CLK4: variants seen among roughly 807,000 people sequenced by gnomAD.
CLK4 encodes the protein dual specificity protein kinase CLK4.
A neutral mutation model predicts 64.4 loss-of-function variants in CLK4; 37 were observed. The ratio of observed to expected loss-of-function variants is 0.57; its 90% CI spans 0.44 to 0.76. The LOEUF (loss-of-function observed/expected upper bound fraction) is 0.76, where lower values mean the gene tolerates loss of function less well. Ranked by LOEUF, CLK4 falls within the 30% of genes least tolerant of loss-of-function variation. The probability of loss-of-function intolerance (pLI) is 0.00; values close to 1 mark genes in which losing one functional copy is unlikely to be tolerated. For synonymous variants in CLK4, 175 were observed against 191.6 expected, an observed-to-expected ratio of 0.91 and a Z score of 0.72; for missense variants, 457 against 605.1, an observed-to-expected ratio of 0.76 and a Z score of 2.57.
intron 5 of CLK4, among the ~76,000 whole-genome samples, chr5:178,616,495 T>A (rs1375540296): frequency 6.6e-6 from 1 of 152,108 alleles, no homozygotes; most frequent in Non-Finnish European, 1.5e-5. Flanking sequence ...TGGCTACCAT[T>A]TAAAATATAT....
At chr5:178,607,123 T>TA (rs35713579) in intron 10 of CLK4, among the ~76,000 whole-genome samples, 1,932 of 139,450 alleles carry the variant, frequency 0.014, 22 homozygotes, top group South Asian at 0.039. Flanking sequence ...AAAGAGACAT[T>TA]AAAAAAAAAA....
chr5:178,604,033 G>T, intron 11 of CLK4, 99 bp from the exon 12 acceptor site: 1 of 828,390 alleles, frequency 1.2e-6, no homozygotes, highest in Non-Finnish European at 1.9e-6. Flanking sequence ...CTCTCTCTAA[G>T]TGTATAGACT....
At position 178,603,782 on chromosome 5, in the gene CLK4, A is replaced by T. The variant is rs761629845; in HGVS notation, c.1306-25T>A. 40 of 1,572,198 alleles carry T rather than the reference A, an allele frequency of 2.5e-5. No individual in the cohort carries two copies. The Middle Eastern group carries it at 6.9e-4, about 27-fold the overall frequency. On this transcript the variant is annotated intron_variant, in intron 12 of 12. Transcript: ENST00000316308. ...CCTGGGGGAGAAATGTTTTTGTTTT[A>T]AAAAAAATTATTAATAGTGCAAACA... is the stretch of plus-strand genomic sequence containing the variant.
At chr5:178,620,090 G>T in intron 2 of CLK4, 1 of 309,486 alleles carries the variant, frequency 3.2e-6, no homozygotes, top group Non-Finnish European at 6.7e-6. Context: ...TACCCAATAG[G>T]GCTAGCATCA....
At position 178,616,907 on chromosome 5, in the gene CLK4, C is replaced by T; in HGVS notation, c.517G>A (p.Val173Ile). The T allele has an allele frequency of 6.2e-7, 1 of 1,614,004 alleles. No homozygotes were observed. Among genetic ancestry groups the T allele is most frequent in the Non-Finnish European group, 8.5e-7 (1 of 1,179,838 alleles). Reference sequence around the variant, plus strand: ...ATGCCATGATCAATGCACTCTACAACTTTGCCAAAGGCTCCTTCACCCAAA... The same window carrying T: ...ATGCCATGATCAATGCACTCTACAATTTTGCCAAAGGCTCCTTCACCCAAA... ...DTLGEGAFGK[V>I]VECIDHGMDG... Residue 173 changes from valine to isoleucine, a missense_variant, in exon 5 of 13, where the codon GTT becomes ATT. Transcript: ENST00000316308.
intron 1 of CLK4, among the ~76,000 whole-genome samples, chr5:178,624,704 C>T (rs558716783): frequency 1.3e-4 from 20 of 152,258 alleles, no homozygotes; most frequent in Non-Finnish European, 2.4e-4. Flanking sequence ...CAGCAAGGAG[C>T]TGAAAAAAGC....
Position 178,618,635 on chromosome 5 carries a change from CT to C in CLK4, c.304del (p.Ser102ValfsTer38), listed in dbSNP as rs752487263. ...DIESGYRIHC[S>X]KSSVRSRRSS... ...TCTCCTGCTGCGGACTGAAGATTTA[CT>C]GCAGTGGATTCGATACCCGCTTTCA... On this transcript the variant is annotated frameshift_variant, in exon 3 of 13. Coordinates refer to ENST00000316308, the MANE Select transcript of CLK4 (RefSeq NM_020666.3). LOFTEE classifies it high-confidence loss of function. 6.2e-7 allele frequency: 1 copy of C among 1,614,088 alleles called. No homozygotes were observed. Among genetic ancestry groups the C allele is most frequent in the Non-Finnish European group, 8.5e-7 (1 of 1,179,974 alleles).
chr5:178,608,309 AC>A (rs1562126988), intron 10 of CLK4, 66 bp downstream of exon 10: 9 of 1,183,586 alleles, frequency 7.6e-6, no homozygotes, highest in Non-Finnish European at 1.1e-5. Flanking sequence ...GGAAGTCAAA[AC>A]TTTAGCATAC....
intron 3 of CLK4, 49 bp downstream of exon 3, chr5:178,618,507 G>T: frequency 8.0e-7 from 1 of 1,255,948 alleles, no homozygotes; most frequent in Non-Finnish European, 1.1e-6. Flanking sequence ...CTCGTTAAGA[G>T]TACACACAAA....
chr5:178,609,731 TAA>T (rs1331521337), intron 9 of CLK4, among the ~76,000 whole-genome samples: 1 of 98,468 alleles, frequency 1.0e-5, no homozygotes, highest in East Asian at 3.0e-4. Flanking sequence ...ATAAAAATTT[TAA>T]AATATATATA....
intron 9 of CLK4, among the ~76,000 whole-genome samples, chr5:178,609,083 A>T (rs755435132): frequency 6.6e-6 from 1 of 152,216 alleles, no homozygotes; most frequent in Non-Finnish European, 1.5e-5. Context: ...ATGATTTTAT[A>T]TACTTTCTCC....
chr5:178,611,092 G>C (rs947934675), intron 9 of CLK4, among the ~76,000 whole-genome samples: 11 of 151,492 alleles, frequency 7.3e-5, no homozygotes, highest in African/African-American at 1.9e-4. Context: ...AAAAAGGGGG[G>C]GGTTACTATA....
At chr5:178,621,680 G>A (rs1025487772) in intron 2 of CLK4, 1 of 152,162 alleles carries the variant, frequency 6.6e-6, no homozygotes, top group African/African-American at 2.4e-5. Flanking sequence ...GAAGGAGCAC[G>A]TTGTATAATT....
intron 5 of CLK4, 95 bp from the exon 6 acceptor site, chr5:178,613,938 T>TA: frequency 1.3e-6 from 1 of 788,974 alleles, no homozygotes; most frequent in Non-Finnish European, 2.1e-6. Context: ...CCAATTCCTC[T>TA]ATGCCATTTA....
chr5:178,613,588 A>G lies in CLK4; in HGVS notation c.711T>C (p.Ile237=), dbSNP rs773384686. Reference sequence around the variant, plus strand: ...TACTAAGTCCCAGTAGTTCAAACACAATACAAACATGACCATGATGATCAA... The same window carrying G: ...TACTAAGTCCCAGTAGTTCAAACACGATACAAACATGACCATGATGATCAA... ...EWFDHHGHVC[I]VFELLGLSTY... Residue 237 remains isoleucine (I), a synonymous_variant, in exon 7 of 13, where the codon ATT becomes ATC. Transcript: ENST00000316308. 6.2e-7 allele frequency: 1 copy of G among 1,611,272 alleles called. No homozygotes were observed. The highest frequency in any genetic ancestry group is 8.5e-7 in the Non-Finnish European group (1 of 1,179,296).
intron 9 of CLK4, among the ~76,000 whole-genome samples, chr5:178,610,439 A>G (rs552328018): frequency 6.6e-6 from 1 of 152,232 alleles, no homozygotes; most frequent in East Asian, 1.9e-4. Context: ...CCAACTGCCT[A>G]CTTCAACTCT....
intron 1 of CLK4, among the ~76,000 whole-genome samples, chr5:178,625,619 TC>T (rs1334130744): frequency 6.6e-6 from 1 of 152,196 alleles, no homozygotes; most frequent in East Asian, 1.9e-4. Context: ...GAAGTTTTTT[TC>T]AAGACTTATG....
intron 2 of CLK4, among the ~76,000 whole-genome samples, chr5:178,619,567 T>C (rs1764675904): frequency 6.6e-6 from 1 of 152,218 alleles, no homozygotes; most frequent in Non-Finnish European, 1.5e-5. Flanking sequence ...TTTGCATTTC[T>C]AATTTCCTGT....
chr5:178,607,597 G>A (rs572059877), intron 10 of CLK4, among the ~76,000 whole-genome samples: 317 of 129,550 alleles, frequency 2.4e-3, no homozygotes, highest in African/African-American at 6.0e-3. Context: ...TGCAAGCTCC[G>A]CCTCCCAGGT....
Sources: gnomAD v4.1 joint callset for allele counts (sites outside exome capture counted in the v4.1 genomes callset) on GRCh38, gnomAD v4.1.1 for gene constraint, MANE v1.5 for transcripts, NCBI Gene and HGNC (gene_info 2026-07-23, HGNC 2026-07-21) for gene names.